The following WWOX variants were observed in gnomAD, a reference collection of about 807,000 sequenced individuals.
The protein encoded by WWOX is WW domain containing oxidoreductase.
In WWOX, 69 loss-of-function variants were observed where a neutral mutation model predicts 46.2. The ratio of observed to expected loss-of-function variants is 1.49; its 90% CI spans 1.23 to 1.82. The LOEUF is 1.82. WWOX is among the 40% of genes most tolerant of loss of function. The pLI, the probability that WWOX is intolerant of heterozygous loss-of-function variation, is 0.00. For missense variants in WWOX, 919 were observed against 542.6 expected, an observed-to-expected ratio of 1.69 and a Z score of -6.89; for synonymous variants, 359 against 202.6, an observed-to-expected ratio of 1.77 and a Z score of -6.56.
intron 8 of WWOX, among the ~76,000 whole-genome samples, chr16:79,054,257 T>C (rs756607720): frequency 2.2e-4 from 34 of 152,216 alleles, no homozygotes; most frequent in Non-Finnish European, 4.9e-4. Context: ...ATCAAGTGTC[T>C]ATACGATAGC....
At chr16:78,443,312 C>T (rs1036256582) in intron 8 of WWOX, among the ~76,000 whole-genome samples, 1 of 150,172 alleles carries the variant, frequency 6.7e-6, no homozygotes, top group Non-Finnish European at 1.5e-5. Context: ...AACAAAAAAA[C>T]AAAAAAAAAC....
chr16:78,960,382 C>G (rs535792296), intron 8 of WWOX, among the ~76,000 whole-genome samples: 3 of 152,222 alleles, frequency 2.0e-5, no homozygotes, highest in African/African-American at 2.4e-5. Flanking sequence ...TGGGCTGATA[C>G]TACCTGTCCT....
At chr16:78,932,608 T>A (rs2045647858) in intron 8 of WWOX, among the ~76,000 whole-genome samples, 1 of 152,200 alleles carries the variant, frequency 6.6e-6, no homozygotes, top group Non-Finnish European at 1.5e-5. Context: ...GACCAAGCGC[T>A]GGAATTGCTG....
chr16:79,068,252 C>A (rs546209671), intron 8 of WWOX, among the ~76,000 whole-genome samples: 2 of 152,282 alleles, frequency 1.3e-5, no homozygotes, highest in South Asian at 4.1e-4. Context: ...CCTAAGAATG[C>A]CATGACTGTG....
chr16:78,601,484 A>G (rs1395606486), intron 8 of WWOX, among the ~76,000 whole-genome samples: 2 of 152,050 alleles, frequency 1.3e-5, no homozygotes, highest in Non-Finnish European at 2.9e-5. Context: ...GGAGAATAGA[A>G]TCTATTATCT....
chr16:78,432,813 T>C (rs965336703), intron 8 of WWOX, 61 bp downstream of exon 8: 8 of 1,612,222 alleles, frequency 5.0e-6, no homozygotes, highest in Admixed American at 1.7e-5. Flanking sequence ...TGCACACTTG[T>C]GTCTCCACCT....
intron 8 of WWOX, among the ~76,000 whole-genome samples, chr16:78,630,709 G>C (rs1336899393): frequency 6.6e-6 from 1 of 152,174 alleles, no homozygotes; most frequent in African/African-American, 2.4e-5. Flanking sequence ...TCAGCCATGA[G>C]TGTGACCGTA....
intron 6 of WWOX, among the ~76,000 whole-genome samples, chr16:78,388,418 G>A (rs1342369303): frequency 6.6e-6 from 1 of 151,984 alleles, no homozygotes; most frequent in African/African-American, 2.4e-5. Context: ...AGGCCAAGGC[G>A]GGGAGGGTCA....
At chr16:78,389,729 A>T (rs1697629642) in intron 6 of WWOX, among the ~76,000 whole-genome samples, 1 of 152,084 alleles carries the variant, frequency 6.6e-6, no homozygotes. Context: ...CCACCGTACT[A>T]TACTGTGTTT....
intron 8 of WWOX, among the ~76,000 whole-genome samples, chr16:78,584,841 A>G (rs2045154413): frequency 6.6e-6 from 1 of 152,340 alleles, no homozygotes; most frequent in Middle Eastern, 3.4e-3. Context: ...CTATATGCTT[A>G]ATATTTGTGC....
intron 4 of WWOX, among the ~76,000 whole-genome samples, chr16:78,117,065 T>G (rs2032833485): frequency 6.6e-6 from 1 of 152,224 alleles, no homozygotes; most frequent in Admixed American, 6.5e-5. Context: ...GAGGAGATTC[T>G]GAAGCATTGA....
rs189736736 is a variant in WWOX at position 79,138,418 on chromosome 16, G to C, written c.1057-73190G>C. ...CATTTGACTTAGATTTTCTGCCACAGTTTAAGTATCACCTCCTCTATGAAG... is the reference window on the plus strand; with the variant it reads ...CATTTGACTTAGATTTTCTGCCACACTTTAAGTATCACCTCCTCTATGAAG... On this transcript the variant is annotated intron_variant, in intron 8 of 8. Coordinates refer to ENST00000566780, the MANE Select transcript of WWOX (RefSeq NM_016373.4). 2.0e-5 allele frequency among the ~76,000 whole-genome samples: 3 copies of C among 152,292 alleles called. No homozygotes were observed. The East Asian group carries it at 5.8e-4, about 29-fold the overall frequency.
intron 5 of WWOX, among the ~76,000 whole-genome samples, chr16:78,311,751 A>G (rs2080249011): frequency 6.6e-6 from 1 of 150,548 alleles, no homozygotes; most frequent in African/African-American, 2.5e-5. Context: ...AAAAATGTTC[A>G]TTACTTAACG....
intron 8 of WWOX, among the ~76,000 whole-genome samples, chr16:78,943,955 C>G (rs894616677): frequency 6.6e-6 from 1 of 152,170 alleles, no homozygotes; most frequent in Non-Finnish European, 1.5e-5. Flanking sequence ...TTTCTGTTGT[C>G]AGAAGAGTTC....
At chr16:78,787,752 C>T (rs1414894326) in intron 8 of WWOX, among the ~76,000 whole-genome samples, 1 of 152,112 alleles carries the variant, frequency 6.6e-6, no homozygotes, top group Non-Finnish European at 1.5e-5. Flanking sequence ...AATTGTTTTC[C>T]ACGGAGGCTG....
intron 8 of WWOX, among the ~76,000 whole-genome samples, chr16:79,042,388 A>T (rs971211316): frequency 2.0e-5 from 3 of 152,156 alleles, no homozygotes; most frequent in Admixed American, 2.0e-4. Flanking sequence ...TTCTTGCCTG[A>T]TCAATGTATA....
chr16:78,432,518 A>C lies in WWOX; in HGVS notation c.822A>C (p.Lys274Asn), dbSNP rs1192944898. 13 of 1,614,040 alleles carry C rather than the reference A, an allele frequency of 8.1e-6. No individual in the cohort carries two copies. Among genetic ancestry groups the C allele is most frequent in the Non-Finnish European group, 1.1e-5 (13 of 1,180,040 alleles). The stretch of plus-strand genomic sequence containing the variant: ...CAGATATTAACGACTCCTTGGGAAA[A>C]CTGGACTTCAGTCGCCTCTCTCCAA... ...RFTDINDSLG[K>N]LDFSRLSPTK... The change falls in exon 8 of 9, where the codon AAA (lysine) becomes AAC (asparagine). Residue 274 changes from lysine (K) to asparagine (N), a missense_variant. Coordinates refer to ENST00000566780, the MANE Select transcript of WWOX (RefSeq NM_016373.4).
chr16:78,154,358 C>T (rs1424473635), intron 4 of WWOX, among the ~76,000 whole-genome samples: 1 of 152,060 alleles, frequency 6.6e-6, no homozygotes, highest in Admixed American at 6.6e-5. Context: ...AGTGTTTACT[C>T]CCTGCCTAAA....
intron 8 of WWOX, among the ~76,000 whole-genome samples, chr16:79,083,034 T>C (rs1307599045): frequency 1.3e-5 from 2 of 152,166 alleles, no homozygotes; most frequent in African/African-American, 2.4e-5. Flanking sequence ...AGCAGAGAAC[T>C]TGGGGCCTCT....
Sources: gnomAD v4.1 joint callset for allele counts (sites outside exome capture counted in the v4.1 genomes callset) on GRCh38, gnomAD v4.1.1 for gene constraint, MANE v1.5 for transcripts, NCBI Gene and HGNC (gene_info 2026-07-23, HGNC 2026-07-21) for gene names.